The following DENND5B variants were observed in gnomAD, a reference collection of about 807,000 sequenced individuals.
DENND5B encodes the protein DENN domain-containing protein 5B.
A neutral mutation model predicts 140.6 loss-of-function variants in DENND5B; 34 were observed. The ratio of observed to expected loss-of-function variants is 0.24; its 90% CI spans 0.18 to 0.32. The LOEUF is 0.32. Ranked by LOEUF, DENND5B falls within the 10% of genes least tolerant of loss-of-function variation. The pLI is 1.00. For missense variants in DENND5B, 1,142 were observed against 1,560.2 expected (o/e 0.73, Z 4.52); for synonymous variants, 551 against 562.1 (o/e 0.98, Z 0.28).
intron 1 of DENND5B, among the ~76,000 whole-genome samples, chr12:31,498,367 T>A (rs1946867923): frequency 6.6e-6 from 1 of 152,186 alleles, no homozygotes; most frequent in South Asian, 2.1e-4. Context: ...AGAAAGGTCA[T>A]GAAAGTGCCA....
At chr12:31,415,989 C>G (rs924653354) in intron 11 of DENND5B, among the ~76,000 whole-genome samples, 1 of 152,042 alleles carries the variant, frequency 6.6e-6, no homozygotes, top group Non-Finnish European at 1.5e-5. Flanking sequence ...GCATGCACCA[C>G]CACACCTGGC....
chr12:31,396,463 G>A (rs1259118022), intron 17 of DENND5B: 2 of 152,316 alleles, frequency 1.3e-5, no homozygotes, highest in African/African-American at 2.4e-5. Flanking sequence ...GCCCCTGCAC[G>A]AGGATGGCAA....
chr12:31,402,661 A>G lies in DENND5B; in HGVS notation c.2804-18T>C, dbSNP rs780695525. ...CGGAATCACTGAAAGAAAAATGCAG[A>G]AATTAATTAAAAAGCGGGAATAAAA... On this transcript the variant is annotated intron_variant, in intron 14 of 20. Transcript: ENST00000389082. 6.5e-5 allele frequency: 102 copies of G among 1,580,750 alleles called. No homozygotes were observed. In the Admixed American group the frequency reaches 1.8e-3, roughly 28 times the overall value.
At chr12:31,509,472 C>T (rs1433456195) in intron 1 of DENND5B, among the ~76,000 whole-genome samples, 1 of 152,138 alleles carries the variant, frequency 6.6e-6, no homozygotes, top group Non-Finnish European at 1.5e-5. Flanking sequence ...ACTGCTTGAG[C>T]CCAGGAGTTA....
chr12:31,519,677 T>A (rs1205613343), intron 1 of DENND5B, among the ~76,000 whole-genome samples: 3 of 152,196 alleles, frequency 2.0e-5, no homozygotes, highest in African/African-American at 7.2e-5. Context: ...ATCACTGTAG[T>A]TCTTGAACAT....
intron 8 of DENND5B, among the ~76,000 whole-genome samples, chr12:31,427,245 A>T (rs905480414): frequency 7.2e-5 from 11 of 152,250 alleles, no homozygotes; most frequent in African/African-American, 2.6e-4. Flanking sequence ...AATTTCTATT[A>T]AAAAAATCAC....
intron 1 of DENND5B, chr12:31,535,357 G>T: frequency 6.3e-6 from 1 of 158,824 alleles, no homozygotes; most frequent in Non-Finnish European, 1.4e-5. Flanking sequence ...GGGTGACTCT[G>T]TCACCCCACC....
chr12:31,563,839 G>A (rs1347524532), intron 1 of DENND5B, among the ~76,000 whole-genome samples: 7 of 152,152 alleles, frequency 4.6e-5, no homozygotes, highest in Admixed American at 1.3e-4. Flanking sequence ...AAAGTGGGCC[G>A]GTTGTGGTGG....
At chr12:31,482,577 C>T (rs1030166364) in intron 2 of DENND5B, among the ~76,000 whole-genome samples, 2 of 147,440 alleles carry the variant, frequency 1.4e-5, no homozygotes, top group Non-Finnish European at 3.0e-5. Context: ...GCTGTTGCTT[C>T]TTTTTTTTTT....
At chr12:31,435,489 A>AT (rs1943704231) in intron 7 of DENND5B, among the ~76,000 whole-genome samples, 1 of 152,094 alleles carries the variant, frequency 6.6e-6, no homozygotes, top group Admixed American at 6.6e-5. Flanking sequence ...GCTGACAAGC[A>AT]TGTTGGTCTC....
chr12:31,507,737 T>C (rs989998641), intron 1 of DENND5B, among the ~76,000 whole-genome samples: 1 of 152,224 alleles, frequency 6.6e-6, no homozygotes, highest in Non-Finnish European at 1.5e-5. Context: ...CAGTGCTTAG[T>C]AAATAATTTT....
At chr12:31,531,799 A>G (rs548546851) in intron 1 of DENND5B, among the ~76,000 whole-genome samples, 164 of 152,298 alleles carry the variant, frequency 1.1e-3, no homozygotes, top group African/African-American at 3.8e-3. Flanking sequence ...AACTGAGCTT[A>G]TATCTCCATT....
At chr12:31,397,839 A>G (rs1689092178) in intron 17 of DENND5B, among the ~76,000 whole-genome samples, 1 of 151,514 alleles carries the variant, frequency 6.6e-6, no homozygotes, top group Non-Finnish European at 1.5e-5. Flanking sequence ...TGGGAGGATC[A>G]TTTGAACCCG....
At chr12:31,439,095 C>A (rs1278622713) in intron 7 of DENND5B, among the ~76,000 whole-genome samples, 3 of 152,176 alleles carry the variant, frequency 2.0e-5, no homozygotes, top group African/African-American at 7.2e-5. Context: ...TTAATTTATT[C>A]TTTGCATTAT....
At chr12:31,420,069 G>C in intron 11 of DENND5B, 1 of 984,234 alleles carries the variant, frequency 1.0e-6, no homozygotes, top group Non-Finnish European at 1.2e-6. Flanking sequence ...TCCATTTCCA[G>C]TTTAGTAGAA....
intron 1 of DENND5B, among the ~76,000 whole-genome samples, chr12:31,550,919 T>C (rs558353537): frequency 2.6e-4 from 39 of 152,324 alleles, no homozygotes; most frequent in African/African-American, 9.1e-4. Flanking sequence ...GGTTGTTTTT[T>C]TCTTGTAAAT....
Position 31,590,854 on chromosome 12 carries a change from G to A in DENND5B, c.-22C>T, listed in dbSNP as rs1470875732. The A allele has an allele frequency of 2.5e-6, 3 of 1,183,990 alleles. No individual in the cohort carries two copies. Among genetic ancestry groups the A allele is most frequent in the Non-Finnish European group, 3.1e-6 (3 of 959,458 alleles). The allele number at this position is 1,183,990 out of a possible 1,614,324, so 73.3% of individuals were successfully genotyped here. On this transcript the variant is annotated 5_prime_UTR_variant, in exon 1 of 21. Transcript: ENST00000389082. ...TCATCCCGGCCGCGCTGCTCCAGGGGCCGCCGCCGCCGCCGCCCGGGAAGG... is the reference window on the plus strand; with the variant it reads ...TCATCCCGGCCGCGCTGCTCCAGGGACCGCCGCCGCCGCCGCCCGGGAAGG...
At chr12:31,514,821 C>CAA (rs1334954260) in intron 1 of DENND5B, among the ~76,000 whole-genome samples, 55 of 94,190 alleles carry the variant, frequency 5.8e-4, no homozygotes, top group African/African-American at 1.9e-3. Context: ...GACTCCGTCT[C>CAA]AAAAAAAAAA....
At chr12:31,470,145 T>C (rs1158790040) in intron 3 of DENND5B, among the ~76,000 whole-genome samples, 1 of 148,458 alleles carries the variant, frequency 6.7e-6, no homozygotes, top group African/African-American at 2.5e-5. Flanking sequence ...AGATGGAGTT[T>C]CCCTTGTTAC....
Sources: gnomAD v4.1 joint callset for allele counts (sites outside exome capture counted in the v4.1 genomes callset) on GRCh38, gnomAD v4.1.1 for gene constraint, MANE v1.5 for transcripts, NCBI Gene and HGNC (gene_info 2026-07-23, HGNC 2026-07-21) for gene names.